NEBL: variants seen among roughly 807,000 people sequenced by gnomAD.
NEBL encodes LIM and SH3 protein 2.
A neutral mutation model predicts 140.2 loss-of-function variants in NEBL; 122 were observed. That is an observed-to-expected ratio of 0.87 (90% CI 0.75 to 1.01). The LOEUF is 1.01. Among genes scored for constraint, NEBL ranks in the 50% least tolerant of loss-of-function variants. The probability of loss-of-function intolerance (pLI) is 0.00; values close to 1 mark genes in which losing one functional copy is unlikely to be tolerated. For missense variants in NEBL, 1,365 were observed against 1,231.3 expected (o/e 1.11, Z -1.62); for synonymous variants, 436 against 398.9 (o/e 1.09, Z -1.11).
intron 2 of NEBL, among the ~76,000 whole-genome samples, chr10:21,054,307 G>T (rs1473710266): frequency 1.3e-5 from 2 of 152,138 alleles, no homozygotes; most frequent in African/African-American, 4.8e-5. Context: ...AAAAGTGCCA[G>T]TTAAGGTAGA....
chr10:21,244,186 G>A lies in NEBL; in HGVS notation n.348+3735C>T, dbSNP rs536144857. Among the ~76,000 whole-genome samples, 3 of 151,554 alleles carry A rather than the reference G, an allele frequency of 2.0e-5. No individual in the cohort carries two copies. In the East Asian group the frequency reaches 5.9e-4, roughly 30 times the overall value. On this transcript the variant is annotated intron_variant and non_coding_transcript_variant, in intron 3 of 8. Coordinates refer to the NEBL transcript ENST00000675702. ...CCTAAGCTTATTCTTTTTGTTTTTT[G>A]ACAGTCTTACTCTGTCTCCCAAGCT...
At chr10:20,844,000 G>A (rs1268959484) in intron 12 of NEBL, among the ~76,000 whole-genome samples, 2 of 152,028 alleles carry the variant, frequency 1.3e-5, no homozygotes, top group East Asian at 3.9e-4. Context: ...AATACCCACA[G>A]CTCTACTCTC....
chr10:21,282,520 A>T (rs1044112486), intron 1 of NEBL, among the ~76,000 whole-genome samples: 3 of 152,186 alleles, frequency 2.0e-5, no homozygotes, highest in African/African-American at 7.2e-5. Context: ...AGGGGGGAAA[A>T]AAAAGAAGAA....
chr10:21,275,095 G>A (rs1277702384), intron 1 of NEBL, among the ~76,000 whole-genome samples: 2 of 152,078 alleles, frequency 1.3e-5, no homozygotes, highest in Non-Finnish European at 2.9e-5. Context: ...ATTTAGAGGT[G>A]GATTCTTCCC....
At chr10:21,120,393 C>CATAT (rs1201775144) in intron 2 of NEBL, among the ~76,000 whole-genome samples, 3,078 of 59,454 alleles carry the variant, frequency 0.052, 146 homozygotes, top group Middle Eastern at 0.062. Context: ...AAAAAAAATA[C>CATAT]ATATATATAT....
intron 14 of NEBL, among the ~76,000 whole-genome samples, chr10:20,835,006 T>C (rs936904888): frequency 1.2e-4 from 18 of 152,162 alleles, no homozygotes; most frequent in African/African-American, 1.7e-4. Flanking sequence ...ATATCAGACC[T>C]CCATCCAAAA....
At chr10:21,180,186 G>A (rs538203060) in intron 3 of NEBL, among the ~76,000 whole-genome samples, 7 of 151,868 alleles carry the variant, frequency 4.6e-5, no homozygotes, top group South Asian at 2.1e-4. Context: ...TTATCTCCCC[G>A]AGCCTCCTGA....
At chr10:20,831,806 TAAG>T in intron 14 of NEBL, among the ~76,000 whole-genome samples, 1 of 152,136 alleles carries the variant, frequency 6.6e-6, no homozygotes, top group Non-Finnish European at 1.5e-5. Context: ...TAATCTGAAT[TAAG>T]AAGAAGAAAA....
At chr10:21,275,437 C>T (rs555799215) in intron 1 of NEBL, among the ~76,000 whole-genome samples, 5 of 152,294 alleles carry the variant, frequency 3.3e-5, no homozygotes, top group African/African-American at 9.6e-5. Context: ...TAGGGGTCTC[C>T]GAGAGTTCCT....
intron 2 of NEBL, among the ~76,000 whole-genome samples, chr10:21,125,461 G>C (rs1838778941): frequency 6.6e-6 from 1 of 152,312 alleles, no homozygotes; most frequent in Non-Finnish European, 1.5e-5. Flanking sequence ...AATGAACTGG[G>C]CTATTTAAGG....
chr10:21,145,629 C>T (rs1839855998), intron 2 of NEBL, among the ~76,000 whole-genome samples: 1 of 152,182 alleles, frequency 6.6e-6, no homozygotes, highest in Non-Finnish European at 1.5e-5. Context: ...TGTTATTGTG[C>T]ACTCTGTAAG....
intron 14 of NEBL, among the ~76,000 whole-genome samples, 184 bp from the exon 15 acceptor site, chr10:20,831,767 C>A (rs749979271): frequency 6.6e-6 from 1 of 151,908 alleles, no homozygotes; most frequent in Non-Finnish European, 1.5e-5. Flanking sequence ...ATAACTTATT[C>A]ACCAGTAATC....
chr10:20,870,403 T>A (rs1844807252), intron 5 of NEBL, among the ~76,000 whole-genome samples: 1 of 149,980 alleles, frequency 6.7e-6, no homozygotes, highest in Non-Finnish European at 1.5e-5. Context: ...ACAAAACCAA[T>A]CTTAAAGGGT....
At chr10:21,265,164 C>T (rs1380776040) in intron 1 of NEBL, among the ~76,000 whole-genome samples, 3 of 151,998 alleles carry the variant, frequency 2.0e-5, no homozygotes, top group Non-Finnish European at 1.5e-5. Context: ...CTCAGGTGAT[C>T]CACCCACCTG....
intron 4 of NEBL, among the ~76,000 whole-genome samples, chr10:20,938,152 C>A (rs1476089829): frequency 6.6e-6 from 1 of 152,214 alleles, no homozygotes; most frequent in Non-Finnish European, 1.5e-5. Flanking sequence ...TAAAGTGGGT[C>A]CCTGACCCCC....
chr10:21,211,615 G>A (rs1400319876), intron 3 of NEBL, among the ~76,000 whole-genome samples: 1 of 152,140 alleles, frequency 6.6e-6, no homozygotes, highest in Non-Finnish European at 1.5e-5. Flanking sequence ...TCCCTGATGA[G>A]GAAAGCCAAT....
At chr10:20,818,950 G>T (rs921167242) in intron 20 of NEBL, 2 of 963,742 alleles carry the variant, frequency 2.1e-6, no homozygotes, top group African/African-American at 1.8e-5. Context: ...TATCATCATC[G>T]TTATTATTGC....
chr10:21,000,873 T>C (rs1252189963), intron 3 of NEBL, among the ~76,000 whole-genome samples: 1 of 151,810 alleles, frequency 6.6e-6, no homozygotes, highest in Non-Finnish European at 1.5e-5. Context: ...AGAAAAAAGG[T>C]AGGATGGCCA....
intron 1 of NEBL, among the ~76,000 whole-genome samples, chr10:21,287,896 G>GA (rs999619640): frequency 1.4e-4 from 22 of 152,064 alleles, no homozygotes; most frequent in African/African-American, 5.3e-4. Context: ...AAAACTGTAA[G>GA]AAAATAAAAA....
Sources: allele counts gnomAD v4.1 joint callset (sites outside exome capture counted in the v4.1 genomes callset), GRCh38; gene constraint gnomAD v4.1.1; transcripts MANE v1.5; gene names NCBI Gene and HGNC (gene_info 2026-07-23, HGNC 2026-07-21).